SLC39A10: variants seen among roughly 807,000 people sequenced by gnomAD.
SLC39A10 encodes the protein solute carrier family 39 member 10, also known as zinc transporter ZIP10.
Under a neutral mutation model 65.1 loss-of-function variants are expected in SLC39A10, and 13 were observed. That is an observed-to-expected ratio of 0.20 (90% CI 0.13 to 0.32). SLC39A10 has a LOEUF of 0.32. Ranked by LOEUF, SLC39A10 falls within the 10% of genes least tolerant of loss-of-function variation. SLC39A10 has a pLI of 1.00. For missense variants in SLC39A10, 831 were observed against 1,018.4 expected (o/e 0.82, Z 2.50); for synonymous variants, 321 against 342.2 (o/e 0.94, Z 0.68).
chr2:195,620,633 G>C (rs750124848), intron 2 of SLC39A10, among the ~76,000 whole-genome samples: 5 of 152,040 alleles, frequency 3.3e-5, no homozygotes, highest in Non-Finnish European at 7.4e-5. Context: ...TGATCCCCAG[G>C]AAAAGCCTAC....
At chr2:195,626,868 C>T (rs1274055730) in intron 2 of SLC39A10, among the ~76,000 whole-genome samples, 1 of 152,158 alleles carries the variant, frequency 6.6e-6, no homozygotes, top group African/African-American at 2.4e-5. Flanking sequence ...TCATCTGTAT[C>T]CCAGGCTTAC....
At chr2:195,686,933 A>T in intron 3 of SLC39A10, among the ~76,000 whole-genome samples, 1 of 152,236 alleles carries the variant, frequency 6.6e-6, no homozygotes, top group East Asian at 1.9e-4. Context: ...GTATTTTGAC[A>T]GATTTGCAAG....
At chr2:195,638,651 G>T (rs1688741480) in intron 2 of SLC39A10, among the ~76,000 whole-genome samples, 1 of 151,888 alleles carries the variant, frequency 6.6e-6, no homozygotes, top group Non-Finnish European at 1.5e-5. Flanking sequence ...GCCTAAAACG[G>T]TTTTAAATTT....
At chr2:195,678,562 G>A (rs1445001602) in intron 1 of SLC39A10, among the ~76,000 whole-genome samples, 2 of 128,032 alleles carry the variant, frequency 1.6e-5, no homozygotes, top group Non-Finnish European at 3.4e-5. Context: ...TTTTAGTTAG[G>A]TTTTTTTTTT....
At chr2:195,690,952 C>T (rs1690715495) in intron 3 of SLC39A10, among the ~76,000 whole-genome samples, 1 of 152,116 alleles carries the variant, frequency 6.6e-6, no homozygotes, top group South Asian at 2.1e-4. Flanking sequence ...TTGCACCCAT[C>T]ACCCAACCAG....
chr2:195,676,212 T>C (rs1690083377), intron 1 of SLC39A10, among the ~76,000 whole-genome samples: 1 of 151,722 alleles, frequency 6.6e-6, no homozygotes. Context: ...GACAGAGTCT[T>C]GCTGTGTCTC....
chr2:195,638,018 G>T (rs900911415), intron 2 of SLC39A10, among the ~76,000 whole-genome samples: 4 of 152,170 alleles, frequency 2.6e-5, no homozygotes, highest in Non-Finnish European at 5.9e-5. Flanking sequence ...TCCTAGAGAA[G>T]ATATTATCAA....
At chr2:195,620,644 C>A (rs191088530) in intron 2 of SLC39A10, among the ~76,000 whole-genome samples, 1 of 152,068 alleles carries the variant, frequency 6.6e-6, no homozygotes, top group Non-Finnish European at 1.5e-5. Flanking sequence ...AAAAGCCTAC[C>A]GCAAATACTG....
At chr2:195,727,459 G>A (rs1422851849) in intron 8 of SLC39A10, among the ~76,000 whole-genome samples, 1 of 152,080 alleles carries the variant, frequency 6.6e-6, no homozygotes, top group Non-Finnish European at 1.5e-5. Flanking sequence ...GTAGAAGCAC[G>A]GAAAAGTGGT....
At chr2:195,727,470 A>C (rs1488613659) in intron 8 of SLC39A10, among the ~76,000 whole-genome samples, 1 of 152,178 alleles carries the variant, frequency 6.6e-6, no homozygotes, top group African/African-American at 2.4e-5. Context: ...GAAAAGTGGT[A>C]GGAAGAGCTC....
intron 8 of SLC39A10, among the ~76,000 whole-genome samples, chr2:195,724,254 G>A (rs547928711): frequency 4.6e-5 from 7 of 152,214 alleles, no homozygotes; most frequent in South Asian, 4.2e-4. Context: ...CATTCATTGT[G>A]CTAATGATAT....
chr2:195,643,885 C>A (rs1438142579), intron 2 of SLC39A10, among the ~76,000 whole-genome samples: 4 of 152,236 alleles, frequency 2.6e-5, no homozygotes, highest in Non-Finnish European at 5.9e-5. Context: ...CCAACATCAT[C>A]CCCATTACCT....
At chr2:195,656,913 G>A (rs1031330408), upstream of SLC39A10, 2 of 152,274 alleles carry the variant, frequency 1.3e-5, no homozygotes, top group South Asian at 4.1e-4. Flanking sequence ...ACTCCCCCGC[G>A]GCGTTCTTTC....
At position 195,718,386 on chromosome 2, in the gene SLC39A10, AT is replaced by A. The variant is rs1244261792; in HGVS notation, c.2146+56del. On this transcript the variant is annotated intron_variant, in intron 8 of 9. Transcript: ENST00000359634. ...TTTCATCAAATCTAAGACTTCCTTA[AT>A]TGTAATTGCATTCAAATTTCAGAGA... 2.7e-5 allele frequency: 36 copies of A among 1,323,972 alleles called. No individual in the cohort carries two copies. In the African/African-American group the frequency reaches 4.5e-4, roughly 17 times the overall value. 82.0% of individuals were successfully genotyped at this position (1,323,972 alleles called of 1,614,324 possible). A position where few individuals can be genotyped will look rare whatever the true frequency, so the allele number is the denominator to read the frequency against.
chr2:195,655,422 GA>G (rs1689125679), upstream of SLC39A10, among the ~76,000 whole-genome samples: 1 of 152,184 alleles, frequency 6.6e-6, no homozygotes, highest in African/African-American at 2.4e-5. Context: ...ATATTTGAAA[GA>G]AAGGTTATGT....
rs112166477 is a variant in SLC39A10, at chr2:195,720,533, T to A, written c.2146+2201T>A. ...AAAACTCACCTGGCTATGAAATGTC[T>A]GTCATTTGACTGTGCGTAATTGTCT... is the stretch of plus-strand genomic sequence containing the variant. On this transcript the variant is annotated intron_variant, in intron 8 of 9. Transcript: ENST00000359634. 2.6e-3 allele frequency among the ~76,000 whole-genome samples: 394 copies of A among 152,382 alleles called. 1 individual carries two copies. The highest frequency in any genetic ancestry group is 9.3e-3 in the African/African-American group (388 of 41,592).
At chr2:195,643,436 A>G (rs1688849061) in intron 2 of SLC39A10, among the ~76,000 whole-genome samples, 1 of 152,202 alleles carries the variant, frequency 6.6e-6, no homozygotes, top group South Asian at 2.1e-4. Context: ...CTGTAGGTTG[A>G]GTCAATACTG....
intron 2 of SLC39A10, among the ~76,000 whole-genome samples, chr2:195,631,123 T>C (rs1688575945): frequency 6.6e-6 from 1 of 151,836 alleles, no homozygotes; most frequent in South Asian, 2.1e-4. Context: ...GGGGTGGAGG[T>C]TGCAATGAGC....
At chr2:195,675,868 A>AT (rs1388920106) in intron 1 of SLC39A10, among the ~76,000 whole-genome samples, 1 of 152,078 alleles carries the variant, frequency 6.6e-6, no homozygotes. Context: ...GTACCAATAT[A>AT]TACTTCCACC....
Sources: allele counts gnomAD v4.1 joint callset (sites outside exome capture counted in the v4.1 genomes callset), GRCh38; gene constraint gnomAD v4.1.1; transcripts MANE v1.5; gene names NCBI Gene and HGNC (gene_info 2026-07-23, HGNC 2026-07-21).